Variants in DCUN1D3 observed in about 807,000 individuals in gnomAD.
DCUN1D3 encodes the protein defective in cullin neddylation 1 domain containing 3, also known as DCN1-like protein 3.
Under a neutral mutation model 24.8 loss-of-function variants are expected in DCUN1D3, and 6 were observed. That is an observed-to-expected ratio of 0.24 (90% CI 0.13 to 0.48). The LOEUF is 0.48. DCUN1D3 is among the 20% of genes least tolerant of loss of function. The probability of loss-of-function intolerance (pLI) is 0.99; values close to 1 mark genes in which losing one functional copy is unlikely to be tolerated. For synonymous variants in DCUN1D3, 120 were observed against 144.9 expected, an observed-to-expected ratio of 0.83 and a Z score of 1.24; for missense variants, 258 against 379.4, an observed-to-expected ratio of 0.68 and a Z score of 2.66.
intron 1 of DCUN1D3, among the ~76,000 whole-genome samples, chr16:20,890,977 T>C (rs2081889676): frequency 6.6e-6 from 1 of 151,516 alleles, no homozygotes; most frequent in East Asian, 1.9e-4. Flanking sequence ...ATGGATGTTG[T>C]AGAAATGTGA....
At chr16:20,882,439 T>TA (rs1309292944) in intron 1 of DCUN1D3, among the ~76,000 whole-genome samples, 1 of 151,434 alleles carries the variant, frequency 6.6e-6, no homozygotes, top group Admixed American at 6.6e-5. Flanking sequence ...TATATATATA[T>TA]TTTTTAGTAG....
At chr16:20,898,254 T>A (rs1167347451) in intron 1 of DCUN1D3, among the ~76,000 whole-genome samples, 1 of 152,226 alleles carries the variant, frequency 6.6e-6, no homozygotes, top group Admixed American at 6.5e-5. Context: ...CTCAGAAAGA[T>A]CCTCTTTGAC....
In DCUN1D3 at chr16:20,857,789, G is replaced by GCT. The variant is rs1405214595; in HGVS notation, c.*2096_*2097insAG. ...TGGGTGATCTTAAAGTTTCCCATTT[G>GCT]CCCCTCTGAAGGAGGAACTGTCAGG... On this transcript the variant is annotated 3_prime_UTR_variant, in exon 3 of 3. Coordinates refer to ENST00000324344, the MANE Select transcript of DCUN1D3 (RefSeq NM_173475.4). 1 of 151,668 alleles carries GCT rather than the reference G, an allele frequency of 6.6e-6. No individual in the cohort carries two copies. Among genetic ancestry groups the GCT allele is most frequent in the Non-Finnish European group, 1.5e-5 (1 of 68,004 alleles). 9.4% of individuals were successfully genotyped at this position (151,668 alleles called of 1,614,324 possible).
intron 1 of DCUN1D3, among the ~76,000 whole-genome samples, chr16:20,892,252 C>T (rs2081895495): frequency 6.6e-6 from 1 of 152,178 alleles, no homozygotes; most frequent in Non-Finnish European, 1.5e-5. Context: ...ACAACATTCT[C>T]AAAAGTAGAC....
intron 1 of DCUN1D3, among the ~76,000 whole-genome samples, chr16:20,880,774 G>A (rs572420964): frequency 1.9e-4 from 29 of 152,186 alleles, no homozygotes; most frequent in Non-Finnish European, 3.4e-4. Context: ...CTTTTACATA[G>A]TAACATCCAC....
chr16:20,864,300 CAAAT>C (rs1177860602), intron 1 of DCUN1D3, among the ~76,000 whole-genome samples: 3 of 151,870 alleles, frequency 2.0e-5, no homozygotes, highest in Non-Finnish European at 2.9e-5. Context: ...AAGAGAAAAA[CAAAT>C]AACCCCATTA....
intron 1 of DCUN1D3, among the ~76,000 whole-genome samples, chr16:20,872,812 G>A (rs1299275754): frequency 1.3e-5 from 2 of 152,174 alleles, no homozygotes; most frequent in African/African-American, 4.8e-5. Context: ...GCTTCACTGC[G>A]AATCACATCA....
At chr16:20,884,906 C>T (rs1048753140) in intron 1 of DCUN1D3, among the ~76,000 whole-genome samples, 2 of 152,022 alleles carry the variant, frequency 1.3e-5, no homozygotes, top group South Asian at 4.2e-4. Flanking sequence ...CAGAGTAAGA[C>T]CCCATCTCAA....
In DCUN1D3 at chr16:20,880,094, T is replaced by C. The variant is rs182864213; in HGVS notation, c.-105-17451A>G. On this transcript the variant is annotated intron_variant, in intron 1 of 2. Coordinates refer to ENST00000324344, the MANE Select transcript of DCUN1D3 (RefSeq NM_173475.4). ...AATTTTTTAAGTGCCTAAGATGACATTTTATTATAATATACTTTATTATGT... is the reference window on the plus strand; with the variant it reads ...AATTTTTTAAGTGCCTAAGATGACACTTTATTATAATATACTTTATTATGT... Among the ~76,000 whole-genome samples the C allele has an allele frequency of 2.2e-4, 34 of 152,326 alleles. 1 individual carries two copies. The East Asian group carries it at 6.2e-3, about 28-fold the overall frequency.
At position 20,862,602 on chromosome 16, in the gene DCUN1D3, C is replaced by A; in HGVS notation, c.-64G>T. On this transcript the variant is annotated 5_prime_UTR_variant, in exon 2 of 3. Transcript: ENST00000324344. The stretch of plus-strand genomic sequence containing the variant: ...ATTGGATGCCCTCGCTGCCGCTGGC[C>A]CATGTACCTCAACATGCCATCAGCC... 1.3e-6 allele frequency: 2 copies of A among 1,535,472 alleles called. No homozygotes were observed. Among genetic ancestry groups the A allele is most frequent in the Non-Finnish European group, 1.7e-6 (2 of 1,150,638 alleles).
At chr16:20,899,149 G>C (rs1200127100) in intron 1 of DCUN1D3, among the ~76,000 whole-genome samples, 1 of 151,824 alleles carries the variant, frequency 6.6e-6, no homozygotes, top group African/African-American at 2.4e-5. Context: ...TTGTCCAATT[G>C]TAGAAACAAA....
chr16:20,866,396 A>G (rs944037516), intron 1 of DCUN1D3, among the ~76,000 whole-genome samples: 1 of 152,100 alleles, frequency 6.6e-6, no homozygotes, highest in Non-Finnish European at 1.5e-5. Flanking sequence ...ACCCAGCGAG[A>G]TAAGAGGATT....
chr16:20,876,534 A>T (rs563591115), intron 1 of DCUN1D3, among the ~76,000 whole-genome samples: 1 of 152,294 alleles, frequency 6.6e-6, no homozygotes, highest in East Asian at 1.9e-4. Flanking sequence ...CACTATGGAA[A>T]ACAGTATAAA....
At chr16:20,894,021 C>T (rs754627304) in intron 1 of DCUN1D3, among the ~76,000 whole-genome samples, 7 of 152,172 alleles carry the variant, frequency 4.6e-5, no homozygotes, top group Non-Finnish European at 7.4e-5. Context: ...AACCCCAGCA[C>T]TTTGGGAGGC....
chr16:20,862,519 T>A lies in DCUN1D3; in HGVS notation c.20A>T (p.Lys7Met), dbSNP rs2081738951. The change falls in exon 2 of 3, where the codon AAG becomes ATG. Residue 7 changes from lysine (K) to methionine (M), a missense_variant. Transcript: ENST00000324344. Reference protein sequence around the residue: MGQCVTKCKNPSSTLGS... With the variant: MGQCVTMCKNPSSTLGS... ...CAGGGTCGATGAGGGATTCTTACAC[T>A]TGGTGACACACTGGCCCATGGTGCT... The A allele has an allele frequency of 6.2e-7, 1 of 1,604,756 alleles. No homozygotes were observed. Among genetic ancestry groups the A allele is most frequent in the Non-Finnish European group, 8.5e-7 (1 of 1,179,654 alleles).
At chr16:20,861,282 T>C (rs543818316) in intron 2 of DCUN1D3, among the ~76,000 whole-genome samples, 224 of 150,698 alleles carry the variant, frequency 1.5e-3, no homozygotes, top group African/African-American at 5.3e-3. Context: ...ACTTACTATA[T>C]TGGTACTCAC....
At chr16:20,880,575 A>C (rs560162578) in intron 1 of DCUN1D3, among the ~76,000 whole-genome samples, 118 of 127,070 alleles carry the variant, frequency 9.3e-4, no homozygotes, top group African/African-American at 3.1e-3. Context: ...TGGGTACTCC[A>C]GCCAGGGTGA....
In DCUN1D3 at chr16:20,862,133, C is replaced by G. The variant is rs1340860611; in HGVS notation, c.406G>C (p.Ala136Pro). ...CTGGTGAATTTGCACATGGTTGCAGCCTGGAACTTCCAAGCCAAGAGCAGC... is the reference window on the plus strand; with the variant it reads ...CTGGTGAATTTGCACATGGTTGCAGGCTGGAACTTCCAAGCCAAGAGCAGC... ...RVLLLAWKFQ[A>P]ATMCKFTRKE... Residue 136 changes from alanine (A) to proline (P), a missense_variant, in exon 2 of 3, where the codon GCT becomes CCT. Transcript: ENST00000324344. The G allele has an allele frequency of 6.2e-7, 1 of 1,614,166 alleles. No individual in the cohort carries two copies. The highest frequency in any genetic ancestry group is 1.7e-5 in the Admixed American group (1 of 60,028).
Position 20,856,080 on chromosome 16 carries a change from CA to C in DCUN1D3, c.*3805del, listed in dbSNP as rs2081701521. ...CTTCTACGCCTTAACCTTATAATTG[CA>C]TAACTGAGTCTACACCTTTTGGGCT... On this transcript the variant is annotated 3_prime_UTR_variant, in exon 3 of 3. Coordinates refer to ENST00000324344, the MANE Select transcript of DCUN1D3 (RefSeq NM_173475.4). 6.6e-6 allele frequency: 1 copy of C among 152,102 alleles called. No individual in the cohort carries two copies. The highest frequency in any genetic ancestry group is 1.5e-5 in the Non-Finnish European group (1 of 68,012). The allele number at this position is 152,102 out of a possible 1,614,324, so 9.4% of individuals were successfully genotyped here. A position where few individuals can be genotyped will look rare whatever the true frequency, so the allele number is the denominator to read the frequency against.
Sources: gnomAD v4.1 joint callset for allele counts (sites outside exome capture counted in the v4.1 genomes callset) on GRCh38, gnomAD v4.1.1 for gene constraint, MANE v1.5 for transcripts, NCBI Gene and HGNC (gene_info 2026-07-23, HGNC 2026-07-21) for gene names.